DLGAP1: variants seen among roughly 807,000 people sequenced by gnomAD.
The protein encoded by DLGAP1 is DLG associated protein 1, also known as disks large-associated protein 1.
Under a neutral mutation model 90.8 loss-of-function variants are expected in DLGAP1, and 11 were observed. The observed-to-expected ratio is 0.12, with a 90% CI of 0.08 to 0.20. The LOEUF is 0.20. Ranked by LOEUF, DLGAP1 falls within the 10% of genes least tolerant of loss-of-function variation. The probability of loss-of-function intolerance (pLI) is 1.00; values close to 1 mark genes in which losing one functional copy is unlikely to be tolerated. For synonymous variants in DLGAP1, 558 were observed against 540.7 expected (o/e 1.03, Z -0.44); for missense variants, 1,050 against 1,333.8 (o/e 0.79, Z 3.31).
At chr18:4,187,232 G>A (rs2077312035) in intron 1 of DLGAP1, among the ~76,000 whole-genome samples, 1 of 152,122 alleles carries the variant, frequency 6.6e-6, no homozygotes, top group East Asian at 1.9e-4. Context: ...TTCCTATCTG[G>A]ATGCCCTTTA....
chr18:3,873,585 C>T (rs879540886), intron 4 of DLGAP1, among the ~76,000 whole-genome samples: 1 of 152,074 alleles, frequency 6.6e-6, no homozygotes, highest in Non-Finnish European at 1.5e-5. Context: ...ATTGTTCTAA[C>T]ACAAGAGGGA....
intron 1 of DLGAP1, among the ~76,000 whole-genome samples, chr18:4,338,955 G>A (rs1323702928): frequency 6.6e-6 from 1 of 152,162 alleles, no homozygotes; most frequent in Non-Finnish European, 1.5e-5. Flanking sequence ...TTATACAAGT[G>A]CTTTCCAATT....
At chr18:4,205,019 T>C (rs1266791263) in intron 1 of DLGAP1, among the ~76,000 whole-genome samples, 1 of 152,010 alleles carries the variant, frequency 6.6e-6, no homozygotes, top group Non-Finnish European at 1.5e-5. Context: ...AAGGGGAAAA[T>C]TAAGATTAAA....
chr18:3,913,315 T>C (rs1189720919), intron 3 of DLGAP1, among the ~76,000 whole-genome samples: 1 of 152,166 alleles, frequency 6.6e-6, no homozygotes, highest in Admixed American at 6.6e-5. Flanking sequence ...CTTGAACTCC[T>C]GGGATCAAGC....
At chr18:3,923,868 T>C (rs2148916003) in intron 3 of DLGAP1, among the ~76,000 whole-genome samples, 1 of 152,340 alleles carries the variant, frequency 6.6e-6, no homozygotes, top group East Asian at 1.9e-4. Flanking sequence ...TACATCAAAG[T>C]CGTGGCATCT....
At chr18:3,898,003 C>A (rs1248115557) in intron 3 of DLGAP1, among the ~76,000 whole-genome samples, 5 of 151,944 alleles carry the variant, frequency 3.3e-5, no homozygotes, top group East Asian at 3.9e-4. Context: ...ACCTTGTTAG[C>A]CAGGATGGTC....
chr18:3,634,423 A>G (rs1001320595), intron 7 of DLGAP1, among the ~76,000 whole-genome samples: 1 of 152,144 alleles, frequency 6.6e-6, no homozygotes, highest in Admixed American at 6.5e-5. Context: ...TTGTTTACCT[A>G]AAGGTTAAGA....
At chr18:4,125,515 C>T (rs1418096347) in intron 2 of DLGAP1, among the ~76,000 whole-genome samples, 1 of 152,210 alleles carries the variant, frequency 6.6e-6, no homozygotes, top group Non-Finnish European at 1.5e-5. Context: ...GACTCAGTGT[C>T]TATCTGTGTA....
chr18:3,750,826 C>A (rs2063468334), intron 5 of DLGAP1, among the ~76,000 whole-genome samples: 1 of 152,136 alleles, frequency 6.6e-6, no homozygotes, highest in African/African-American at 2.4e-5. Flanking sequence ...GCCTGGAATG[C>A]TCTCCTTCCT....
intron 3 of DLGAP1, among the ~76,000 whole-genome samples, chr18:3,884,690 G>A (rs963077207): frequency 6.6e-6 from 1 of 152,190 alleles, no homozygotes; most frequent in Admixed American, 6.5e-5. Context: ...ATCATACACA[G>A]TGTGTTTTTT....
At chr18:3,766,249 A>G (rs1327405895) in intron 5 of DLGAP1, among the ~76,000 whole-genome samples, 3 of 152,174 alleles carry the variant, frequency 2.0e-5, no homozygotes, top group Admixed American at 2.0e-4. Context: ...ACATTATATA[A>G]TGATATATCA....
At chr18:3,801,400 C>T (rs2066285558) in intron 5 of DLGAP1, among the ~76,000 whole-genome samples, 1 of 152,216 alleles carries the variant, frequency 6.6e-6, no homozygotes, top group African/African-American at 2.4e-5. Context: ...TGCAGCAGTA[C>T]AACTTTCTCT....
At chr18:3,973,387 G>A (rs140184747) in intron 3 of DLGAP1, among the ~76,000 whole-genome samples, 63 of 151,046 alleles carry the variant, frequency 4.2e-4, no homozygotes, top group African/African-American at 1.3e-3. Context: ...AGTCATTTCC[G>A]TCCTGGAAGC....
intron 1 of DLGAP1, among the ~76,000 whole-genome samples, chr18:4,201,002 C>T (rs1192799161): frequency 6.6e-6 from 1 of 152,116 alleles, no homozygotes; most frequent in Admixed American, 6.6e-5. Flanking sequence ...CTCTGCTCAA[C>T]TCCTCCACTA....
intron 7 of DLGAP1, among the ~76,000 whole-genome samples, chr18:3,678,389 C>A (rs1236134928): frequency 3.3e-5 from 5 of 152,084 alleles, no homozygotes; most frequent in Non-Finnish European, 2.9e-5. Context: ...TAAGACCCAG[C>A]TCAAATCACA....
chr18:4,103,007 C>T (rs1282317702), intron 2 of DLGAP1, among the ~76,000 whole-genome samples: 1 of 152,168 alleles, frequency 6.6e-6, no homozygotes, highest in Non-Finnish European at 1.5e-5. Flanking sequence ...GAGTTCTTGC[C>T]CTGTCTCTCT....
At chr18:3,651,017 G>A (rs2059280879) in intron 7 of DLGAP1, among the ~76,000 whole-genome samples, 1 of 150,608 alleles carries the variant, frequency 6.6e-6, no homozygotes, top group Non-Finnish European at 1.5e-5. Context: ...AGTGAGCCGA[G>A]ATCACACCAC....
intron 7 of DLGAP1, chr18:3,708,236 A>G: frequency 2.8e-6 from 1 of 360,708 alleles, no homozygotes; most frequent in Non-Finnish European, 5.5e-6. Context: ...TGAATGCTTG[A>G]CTTCAAGTGA....
intron 10 of DLGAP1, among the ~76,000 whole-genome samples, chr18:3,510,842 C>T (rs3786454): frequency 0.42 from 63,757 of 152,108 alleles, 14,251 homozygotes; most frequent in East Asian, 0.64. Context: ...CTGAGTAAGA[C>T]AGTGATTCTC....
Sources: gnomAD v4.1 joint callset for allele counts (sites outside exome capture counted in the v4.1 genomes callset) on GRCh38, gnomAD v4.1.1 for gene constraint, MANE v1.5 for transcripts, NCBI Gene and HGNC (gene_info 2026-07-23, HGNC 2026-07-21) for gene names.